Variants in ZFYVE1 observed in about 807,000 individuals in gnomAD.
ZFYVE1 encodes the protein zinc finger FYVE domain-containing protein 1.
Under a neutral mutation model 74.4 loss-of-function variants are expected in ZFYVE1, and 30 were observed. The ratio of observed to expected loss-of-function variants is 0.40; its 90% CI spans 0.30 to 0.55. The LOEUF is 0.55. ZFYVE1 is among the 20% of genes least tolerant of loss of function. The pLI, the probability that ZFYVE1 is intolerant of heterozygous loss-of-function variation, is 0.42. For missense variants in ZFYVE1, 703 were observed against 1,011.6 expected (o/e 0.69, Z 4.14); for synonymous variants, 335 against 385.1 (o/e 0.87, Z 1.52).
chr14:72,973,292 C>T (rs1358147877), intron 11 of ZFYVE1, among the ~76,000 whole-genome samples: 2 of 151,928 alleles, frequency 1.3e-5, no homozygotes, highest in African/African-American at 4.8e-5. Flanking sequence ...AGTTCGGGAC[C>T]AGCCTGGTCA....
chr14:72,995,023 C>T (rs1277765195), intron 3 of ZFYVE1, among the ~76,000 whole-genome samples: 1 of 152,100 alleles, frequency 6.6e-6, no homozygotes, highest in African/African-American at 2.4e-5. Context: ...ATAAATGTAT[C>T]GGTGATAAAG....
chr14:73,025,203 G>A (rs1167383249), intron 1 of ZFYVE1, among the ~76,000 whole-genome samples: 1 of 151,524 alleles, frequency 6.6e-6, no homozygotes, highest in African/African-American at 2.4e-5. Context: ...CAAGGAGCTG[G>A]GATTACACGC....
At chr14:73,006,211 G>A (rs947584981) in intron 2 of ZFYVE1, among the ~76,000 whole-genome samples, 3 of 151,532 alleles carry the variant, frequency 2.0e-5, no homozygotes, top group East Asian at 2.0e-4. Flanking sequence ...GAGCCACCGC[G>A]CCCGGCCAAA....
rs1224106795 is a variant in ZFYVE1 at position 72,978,151 on chromosome 14, T to C, written c.1503A>G (p.Lys501=). The C allele has an allele frequency of 1.2e-6, 2 of 1,614,158 alleles. No homozygotes were observed. Among genetic ancestry groups the C allele is most frequent in the Admixed American group, 1.7e-5 (1 of 60,014 alleles). Residue 501 remains lysine (K), a synonymous_variant, in exon 7 of 12, where the codon AAA becomes AAG. Transcript: ENST00000556143. ...STDSPWMGLA[K]YAWSGYVIEC... ...TTTAAACTCACCCAGACCAGGCATA[T>C]TTTGCGAGACCCATCCAGGGGGAGT...
At chr14:73,006,434 G>A (rs1893980735) in intron 2 of ZFYVE1, among the ~76,000 whole-genome samples, 1 of 151,740 alleles carries the variant, frequency 6.6e-6, no homozygotes, top group Non-Finnish European at 1.5e-5. Context: ...AATTAGCTGG[G>A]TGTGGTGGCA....
chr14:73,026,530 A>G (rs2140396811), intron 1 of ZFYVE1, among the ~76,000 whole-genome samples: 1 of 152,288 alleles, frequency 6.6e-6, no homozygotes, highest in African/African-American at 2.4e-5. Flanking sequence ...AACAGAAACA[A>G]AAATCAAACT....
chr14:72,971,793 G>C (rs1413118406), intron 11 of ZFYVE1, among the ~76,000 whole-genome samples: 3 of 152,126 alleles, frequency 2.0e-5, no homozygotes, highest in Non-Finnish European at 2.9e-5. Context: ...TATCTATGAA[G>C]CCCTCCTTGT....
At chr14:72,972,892 T>A (rs2140340267) in intron 11 of ZFYVE1, among the ~76,000 whole-genome samples, 1 of 152,088 alleles carries the variant, frequency 6.6e-6, no homozygotes, top group South Asian at 2.1e-4. Flanking sequence ...GTATTTTCAG[T>A]AGAGACGGGT....
intron 2 of ZFYVE1, among the ~76,000 whole-genome samples, chr14:73,021,072 C>T (rs946142036): frequency 2.0e-5 from 3 of 152,038 alleles, no homozygotes; most frequent in Admixed American, 1.3e-4. Context: ...TGGCTGGGCA[C>T]AGTCACTCAC....
chr14:72,987,582 A>G (rs1893512139), intron 4 of ZFYVE1, among the ~76,000 whole-genome samples: 1 of 152,228 alleles, frequency 6.6e-6, no homozygotes, highest in Admixed American at 6.5e-5. Context: ...ACAAAATTAC[A>G]TAAAACCTAT....
chr14:73,003,809 G>C (rs2140373086), intron 2 of ZFYVE1, among the ~76,000 whole-genome samples: 1 of 152,222 alleles, frequency 6.6e-6, no homozygotes, highest in East Asian at 1.9e-4. Flanking sequence ...ACAGTTCACT[G>C]AATGCCGGCT....
rs558355808 is a variant in ZFYVE1 at position 73,026,457 on chromosome 14, G to A, written c.-435+469C>T. 3.3e-5 allele frequency among the ~76,000 whole-genome samples: 5 copies of A among 152,252 alleles called. No individual in the cohort carries two copies. In the South Asian group the frequency reaches 1.0e-3, roughly 32 times the overall value. Reference sequence around the variant, plus strand: ...TTTTCAGATAAACAAGGAAGGCGAAGGGAGTGACTAGGGGATCTTATTTAC... The same window carrying A: ...TTTTCAGATAAACAAGGAAGGCGAAAGGAGTGACTAGGGGATCTTATTTAC... On this transcript the variant is annotated intron_variant, in intron 1 of 11. Transcript: ENST00000556143.
At chr14:73,014,303 A>G (rs1894147604) in intron 2 of ZFYVE1, among the ~76,000 whole-genome samples, 1 of 152,184 alleles carries the variant, frequency 6.6e-6, no homozygotes, top group African/African-American at 2.4e-5. Flanking sequence ...CTCACAAGAC[A>G]CTGGGCAGAA....
In ZFYVE1 at chr14:73,024,783, T is replaced by C. The variant is rs1951755377; in HGVS notation, c.-275A>G. On this transcript the variant is annotated 5_prime_UTR_variant, in exon 2 of 12. Coordinates refer to ENST00000556143, the MANE Select transcript of ZFYVE1 (RefSeq NM_021260.4). ...GTGCAAGCAAAGATGTGGTCAAAAT[T>C]GACTTGGAAGGGTCTTTTATGGCTA... The C allele has an allele frequency of 5.3e-6, 2 of 377,654 alleles. No homozygotes were observed. Among genetic ancestry groups the C allele is most frequent in the African/African-American group, 2.1e-5 (1 of 48,326 alleles). The allele number at this position is 377,654 out of a possible 1,614,324, so 23.4% of individuals were successfully genotyped here. A position where few individuals can be genotyped will look rare whatever the true frequency, so the allele number is the denominator to read the frequency against.
In ZFYVE1 at chr14:72,970,809, G is replaced by T; in HGVS notation, c.*73C>A. On this transcript the variant is annotated 3_prime_UTR_variant, in exon 12 of 12. Transcript: ENST00000556143. ...CACCACAGCAGGTGACTGGGAGGAG[G>T]GCCTACCTCGCAAGACTGTTTCTAA... 6.7e-7 allele frequency: 1 copy of T among 1,484,614 alleles called. No individual in the cohort carries two copies. The highest frequency in any genetic ancestry group is 9.2e-7 in the Non-Finnish European group (1 of 1,087,040). The allele number at this position is 1,484,614 out of a possible 1,614,324, so 92.0% of individuals were successfully genotyped here.
intron 11 of ZFYVE1, among the ~76,000 whole-genome samples, chr14:72,972,654 C>A (rs115023210): frequency 0.021 from 3,269 of 152,202 alleles, 119 homozygotes; most frequent in African/African-American, 0.076. Context: ...TCCCCCTCGC[C>A]ATCCTAAATA....
intron 5 of ZFYVE1, among the ~76,000 whole-genome samples, chr14:72,980,970 A>C (rs539899368): frequency 6.6e-6 from 1 of 152,184 alleles, no homozygotes; most frequent in South Asian, 2.1e-4. Flanking sequence ...TTTCTGATGC[A>C]TGCTAAAATT....
In ZFYVE1 at chr14:72,974,153, G is replaced by A. The variant is rs368664302; in HGVS notation, c.2028C>T (p.Leu676=). The A allele has an allele frequency of 2.7e-5, 44 of 1,614,002 alleles. No individual in the cohort carries two copies. The African/African-American group carries it at 3.5e-4, about 13-fold the overall frequency. The change falls in exon 11 of 12, where the codon CTC becomes CTT. Residue 676 remains leucine (L), a synonymous_variant. Transcript: ENST00000556143. ...CGGCCTCGCCCACCTTCCGAGCAAT[G>A]AGCGTTCCACCTTCATCGTCCACTT... ...EAQVDDEGGT[L]IARKVGEAVQ...
chr14:72,978,074 C>G (rs201138905), intron 7 of ZFYVE1, 30 bp from the exon 8 acceptor site: 425 of 1,613,924 alleles, frequency 2.6e-4, no homozygotes, highest in Non-Finnish European at 2.6e-4. Flanking sequence ...ATACTGTTAC[C>G]CAGCCAGGTG....
Sources: gnomAD v4.1 joint callset for allele counts (sites outside exome capture counted in the v4.1 genomes callset) on GRCh38, gnomAD v4.1.1 for gene constraint, MANE v1.5 for transcripts, NCBI Gene and HGNC (gene_info 2026-07-23, HGNC 2026-07-21) for gene names.